UNC45A: variants seen among roughly 807,000 people sequenced by gnomAD.
UNC45A encodes unc-45 myosin chaperone A.
A neutral mutation model predicts 103.2 loss-of-function variants in UNC45A; 78 were observed. That is an observed-to-expected ratio of 0.76 (90% CI 0.63 to 0.91). UNC45A has a LOEUF of 0.91. UNC45A is among the 40% of genes least tolerant of loss of function. The pLI is 0.00. For missense variants in UNC45A, 1,193 were observed against 1,224.8 expected (o/e 0.97, Z 0.39); for synonymous variants, 495 against 504.6 (o/e 0.98, Z 0.25).
upstream of UNC45A, chr15:90,935,258 G>T (rs2035940388): frequency 2.7e-6 from 4 of 1,492,508 alleles, no homozygotes; most frequent in Non-Finnish European, 3.6e-6. Context: ...TGCCGGTGGC[G>T]TCCCGAACCC....
chr15:90,947,862 ACT>A lies in UNC45A; in HGVS notation c.1571_1572del (p.Leu524GlnfsTer4), dbSNP rs769451809. The A allele has an allele frequency of 6.2e-7, 1 of 1,613,940 alleles. No individual in the cohort carries two copies. The highest frequency in any genetic ancestry group is 8.5e-7 in the Non-Finnish European group (1 of 1,179,980). On this transcript the variant is annotated frameshift_variant, in exon 11 of 20. Transcript: ENST00000418476. LOFTEE classifies it high-confidence loss of function. ...CATGAAGCAGTTTGCTGAAGGCTCC[ACT>A]CTCAAACTGGCTAAGCAGTGTCGAA... is the stretch of plus-strand genomic sequence containing the variant. ...FSMKQFAEGS[T>X]LKLAKQCRKW...
chr15:90,933,495 G>C (rs1259396789), upstream of UNC45A: 3 of 152,274 alleles, frequency 2.0e-5, no homozygotes, highest in East Asian at 5.8e-4. Flanking sequence ...AATCAGACAT[G>C]TAGCTTTTGT....
chr15:90,947,103 C>T, intron 10 of UNC45A, 189 bp downstream of exon 10: 1 of 647,784 alleles, frequency 1.5e-6, no homozygotes, highest in South Asian at 2.0e-5. Flanking sequence ...GCAGGAGGAT[C>T]ACTTGAGCTC....
chr15:90,936,516 C>CG, intron 4 of UNC45A, 56 bp downstream of exon 4: 6 of 1,584,408 alleles, frequency 3.8e-6, no homozygotes, highest in Non-Finnish European at 5.2e-6. Context: ...GGGGTCTGGG[C>CG]CAGGGGTGTA....
chr15:90,939,465 A>ATACC (rs1304727678), intron 4 of UNC45A, among the ~76,000 whole-genome samples: 1 of 152,186 alleles, frequency 6.6e-6, no homozygotes, highest in Non-Finnish European at 1.5e-5. Context: ...AGCTGACAGG[A>ATACC]TACCTCCCCT....
Position 90,940,413 on chromosome 15 carries a change from T to G in UNC45A, c.627T>G (p.Thr209=). The change falls in exon 6 of 20, where the codon ACT becomes ACG. Residue 209 remains threonine, a synonymous_variant. Transcript: ENST00000418476. ...LLQRLLDMGE[T]DLMLAALRTL... ...AACGTTTACTGGACATGGGAGAGAC[T>G]GACCTCATGCTGGCGGCTCTGCGTA... 6.2e-7 allele frequency: 1 copy of G among 1,614,148 alleles called. No homozygotes were observed. Among genetic ancestry groups the G allele is most frequent in the Non-Finnish European group, 8.5e-7 (1 of 1,179,990 alleles).
chr15:90,939,622 A>G, intron 4 of UNC45A, 109 bp from the exon 5 acceptor site: 2 of 1,170,078 alleles, frequency 1.7e-6, no homozygotes, highest in Non-Finnish European at 2.5e-6. Flanking sequence ...CTGAGCCTGG[A>G]CATCTTTACT....
chr15:90,947,203 G>T, intron 10 of UNC45A: 1 of 400,376 alleles, frequency 2.5e-6, no homozygotes, highest in Admixed American at 3.7e-5. Context: ...ATGGATGAAT[G>T]AACGAGATTC....
At chr15:90,943,775 G>A (rs1177285303) in intron 8 of UNC45A, among the ~76,000 whole-genome samples, 2 of 151,706 alleles carry the variant, frequency 1.3e-5, no homozygotes, top group African/African-American at 2.4e-5. Context: ...TGCAGCCTCC[G>A]TTTCCCGGGT....
chr15:90,939,648 AGGAGCT>A, intron 4 of UNC45A, 77 bp from the exon 5 acceptor site: 10 of 1,446,348 alleles, frequency 6.9e-6, no homozygotes, highest in Non-Finnish European at 9.7e-6. Context: ...TCCCAGAGTG[AGGAGCT>A]GGAGACAAAT....
In UNC45A at chr15:90,946,780, G is replaced by A. The variant is rs150311909; in HGVS notation, c.1366G>A (p.Val456Met). 3.1e-6 allele frequency: 5 copies of A among 1,614,252 alleles called. No individual in the cohort carries two copies. Among genetic ancestry groups the A allele is most frequent in the Non-Finnish European group, 4.2e-6 (5 of 1,180,048 alleles). ...CASEQEEEQL[V>M]AVEALIHAAG... ...CTCTGAGCAGGAGGAGGAGCAGCTG[G>A]TGGCCGTGGAGGCTCTGATCCATGC... Residue 456 changes from valine to methionine, a missense_variant, in exon 10 of 20, where the codon GTG (valine) becomes ATG (methionine). Coordinates refer to ENST00000418476, the MANE Select transcript of UNC45A (RefSeq NM_018671.5).
At chr15:90,936,757 G>A (rs142539523) in intron 4 of UNC45A, among the ~76,000 whole-genome samples, 12 of 152,312 alleles carry the variant, frequency 7.9e-5, no homozygotes, top group Middle Eastern at 3.4e-3. Flanking sequence ...AGCTCTTTTC[G>A]AGAGTACTTT....
intron 2 of UNC45A, 26 bp downstream of exon 2, chr15:90,935,731 TCGCCCGCC>T: frequency 6.5e-7 from 1 of 1,534,820 alleles, no homozygotes; most frequent in Non-Finnish European, 8.7e-7. Context: ...GCTCTTCCCC[TCGCCCGCC>T]CGGGCCCCGG....
intron 5 of UNC45A, 107 bp downstream of exon 5, chr15:90,939,930 CTGG>C (rs2036205716): frequency 9.3e-7 from 1 of 1,080,148 alleles, no homozygotes; most frequent in East Asian, 2.6e-5. Context: ...AATCGTGCAG[CTGG>C]GCTCACGGGG....
At chr15:90,934,876 C>T (rs147228901), upstream of UNC45A, 11 of 433,360 alleles carry the variant, frequency 2.5e-5, no homozygotes, top group Non-Finnish European at 4.1e-5. Context: ...GGATTCTGTA[C>T]CCCCCACAGA....
At chr15:90,932,900 G>T (rs1004029773), upstream of UNC45A, 6 of 223,314 alleles carry the variant, frequency 2.7e-5, no homozygotes, top group East Asian at 1.8e-4. Flanking sequence ...TATGGGAGCG[G>T]GAAGAAAGAA....
chr15:90,949,789 C>A, intron 15 of UNC45A, 69 bp downstream of exon 15: 1 of 1,489,244 alleles, frequency 6.7e-7, no homozygotes, highest in Non-Finnish European at 9.4e-7. Context: ...TCAGCAGCTG[C>A]CACGCCAGAG....
intron 15 of UNC45A, 48 bp from the exon 16 acceptor site, chr15:90,950,106 G>C (rs748928112): frequency 1.3e-6 from 2 of 1,530,850 alleles, no homozygotes; most frequent in Non-Finnish European, 1.8e-6. Flanking sequence ...GATGGTCGGG[G>C]TCTTACTCCC....
At position 90,952,957 on chromosome 15, in the gene UNC45A, C is replaced by G; in HGVS notation, c.2332C>G (p.Pro778Ala). The change falls in exon 18 of 20, where the codon CCC becomes GCC. Residue 778 changes from proline (P) to alanine (A), a missense_variant. Transcript: ENST00000418476. The part of the protein sequence containing the change: ...RQKILKEKAV[P>A]MIEGYMFEEH... Reference sequence around the variant, plus strand: ...GAAGATCCTGAAGGAGAAGGCTGTGCCCATGATAGAAGGCTACATGTTTGA... The same window carrying G: ...GAAGATCCTGAAGGAGAAGGCTGTGGCCATGATAGAAGGCTACATGTTTGA... The G allele has an allele frequency of 6.2e-7, 1 of 1,613,274 alleles. No individual in the cohort carries two copies. The highest frequency in any genetic ancestry group is 8.5e-7 in the Non-Finnish European group (1 of 1,180,030).
Sources: allele counts gnomAD v4.1 joint callset (sites outside exome capture counted in the v4.1 genomes callset), GRCh38; gene constraint gnomAD v4.1.1; transcripts MANE v1.5; gene names NCBI Gene and HGNC (gene_info 2026-07-23, HGNC 2026-07-21).